The following FANCD2OS variants were observed in gnomAD, a reference collection of about 807,000 sequenced individuals.
The protein encoded by FANCD2OS is FANCD2 opposite strand.
In FANCD2OS, 11 loss-of-function variants were observed where a neutral mutation model predicts 13.2. The ratio of observed to expected loss-of-function variants is 0.83; its 90% CI spans 0.52 to 1.38. FANCD2OS has a LOEUF of 1.38. Ranked by LOEUF, FANCD2OS falls within the 40% of genes most tolerant of loss-of-function variation. The pLI, the probability that FANCD2OS is intolerant of heterozygous loss-of-function variation, is 0.00. For missense variants in FANCD2OS, 217 were observed against 213.9 expected (o/e 1.01, Z -0.09); for synonymous variants, 69 against 84.5 (o/e 0.82, Z 1.01).
chr3:10,093,634 G>A (rs1010361334), intron 2 of FANCD2OS, among the ~76,000 whole-genome samples: 8 of 152,196 alleles, frequency 5.3e-5, no homozygotes, highest in Admixed American at 5.2e-4. Flanking sequence ...GAGGAAGGAG[G>A]AGTAGATGAT....
At chr3:10,095,252 A>G (rs1559408827) in intron 2 of FANCD2OS, 2 of 1,614,150 alleles carry the variant, frequency 1.2e-6, no homozygotes, top group Non-Finnish European at 8.5e-7. Context: ...AGGCTGCTTC[A>G]TCACCTGTGT....
intron 2 of FANCD2OS, among the ~76,000 whole-genome samples, chr3:10,095,810 A>G (rs1417545557): frequency 6.6e-6 from 1 of 151,756 alleles, no homozygotes; most frequent in Non-Finnish European, 1.5e-5. Flanking sequence ...AAACCAAATG[A>G]TTCTTGAGTC....
intron 2 of FANCD2OS, among the ~76,000 whole-genome samples, chr3:10,085,393 TC>T: frequency 6.7e-6 from 1 of 150,316 alleles, no homozygotes; most frequent in East Asian, 1.9e-4. Context: ...CTTTTTTCTT[TC>T]TTTTTTTTTT....
intron 2 of FANCD2OS, among the ~76,000 whole-genome samples, chr3:10,092,431 ATT>A (rs35070534): frequency 2.1e-5 from 3 of 144,872 alleles, no homozygotes; most frequent in Non-Finnish European, 3.0e-5. Context: ...CTCACTAGGC[ATT>A]TTTTTTTTTG....
chr3:10,093,894 A>C (rs1377210427), intron 2 of FANCD2OS, among the ~76,000 whole-genome samples: 1 of 152,146 alleles, frequency 6.6e-6, no homozygotes, highest in Non-Finnish European at 1.5e-5. Flanking sequence ...GAGATGGGCA[A>C]GTTGGAGAGA....
intron 2 of FANCD2OS, chr3:10,094,415 G>T: frequency 6.8e-7 from 1 of 1,480,202 alleles, no homozygotes; most frequent in Non-Finnish European, 9.4e-7. Flanking sequence ...TTGCTCAGAA[G>T]ATATGTCCTT....
At chr3:10,088,131 A>G (rs1401773244) in intron 2 of FANCD2OS, among the ~76,000 whole-genome samples, 3 of 152,190 alleles carry the variant, frequency 2.0e-5, no homozygotes, top group Non-Finnish European at 2.9e-5. Flanking sequence ...CAGGAGGAAC[A>G]AGATTGGCCT....
Position 10,104,332 on chromosome 3 carries a change from G to C in FANCD2OS, c.443C>G (p.Thr148Arg). 2 of 1,614,196 alleles carry C rather than the reference G, an allele frequency of 1.2e-6. No homozygotes were observed. Among genetic ancestry groups the C allele is most frequent in the African/African-American group, 2.7e-5 (2 of 75,050 alleles). The change falls in exon 2 of 2, where the codon ACA (threonine) becomes AGA (arginine). Residue 148 changes from threonine to arginine, a missense_variant. Coordinates refer to ENST00000450660, the MANE Select transcript of FANCD2OS (RefSeq NM_001164839.2). ...IGLKEPQIQM[T>R]VTMCKQMLRS... ...CAGCATCTGTTTGCACATAGTGACTGTCATCTGAATCTGAGGCTCCTTCAG... is the reference window on the plus strand; with the variant it reads ...CAGCATCTGTTTGCACATAGTGACTCTCATCTGAATCTGAGGCTCCTTCAG...
At chr3:10,095,878 ATT>A (rs397950663) in intron 2 of FANCD2OS, among the ~76,000 whole-genome samples, 38 of 125,754 alleles carry the variant, frequency 3.0e-4, no homozygotes, top group African/African-American at 7.1e-4. Context: ...CTGAACAGTG[ATT>A]TTTTTTTTTT....
chr3:10,098,764 TGA>T, downstream of FANCD2OS: 1 of 1,614,030 alleles, frequency 6.2e-7, no homozygotes, highest in Non-Finnish European at 8.5e-7. Context: ...GCACAGCAGA[TGA>T]GAGTGAGGAT....
At chr3:10,095,488 A>G in intron 2 of FANCD2OS, 1 of 596,994 alleles carries the variant, frequency 1.7e-6, no homozygotes, top group East Asian at 2.8e-5. Context: ...TCAAACTCCA[A>G]AGCTCTTTTT....
intron 2 of FANCD2OS, chr3:10,094,897 G>T (rs1402076221): frequency 2.4e-6 from 1 of 425,160 alleles, no homozygotes; most frequent in Non-Finnish European, 4.4e-6. Context: ...AGCCCTGAAA[G>T]AGAAAGGGAA....
chr3:10,081,658 T>G, intron 2 of FANCD2OS: 1 of 621,970 alleles, frequency 1.6e-6, no homozygotes, highest in Non-Finnish European at 2.9e-6. Context: ...TTGGAGCCAC[T>G]ATGTTAACCC....
At chr3:10,092,807 G>C (rs6807846) in intron 2 of FANCD2OS, among the ~76,000 whole-genome samples, 1 of 147,812 alleles carries the variant, frequency 6.8e-6, no homozygotes, top group East Asian at 2.0e-4. Flanking sequence ...TCTTCCCACT[G>C]AAGCCTCTGG....
At chr3:10,098,867 A>G (rs1460832556), downstream of FANCD2OS, 2 of 1,614,168 alleles carry the variant, frequency 1.2e-6, no homozygotes, top group South Asian at 2.2e-5. Context: ...CATTTTGTTA[A>G]TTGTTCTAAG....
At chr3:10,102,150 T>TCC (rs1449076919), downstream of FANCD2OS, among the ~76,000 whole-genome samples, 3 of 151,196 alleles carry the variant, frequency 2.0e-5, no homozygotes, top group Non-Finnish European at 3.0e-5. Flanking sequence ...TTCCTTTTTT[T>TCC]TTTTTTTTTT....
intron 2 of FANCD2OS, chr3:10,088,722 T>G: frequency 7.8e-7 from 1 of 1,288,454 alleles, no homozygotes; most frequent in Non-Finnish European, 1.1e-6. Flanking sequence ...TTTTATACTG[T>G]TAGCTAACTG....
chr3:10,085,989 T>C, intron 2 of FANCD2OS: 1 of 1,063,720 alleles, frequency 9.4e-7, no homozygotes, highest in East Asian at 2.4e-5. Context: ...TTGGCAACTT[T>C]CTTTAAAATA....
chr3:10,099,199 TGTGAAAGCATTTG>T (rs1414363194), downstream of FANCD2OS: 2 of 1,382,800 alleles, frequency 1.4e-6, no homozygotes, highest in South Asian at 1.6e-5. Context: ...AAAATAGAAA[TGTGAAAGCATTTG>T]GTGAAAGCCA....
Sources: gnomAD v4.1 joint callset for allele counts (sites outside exome capture counted in the v4.1 genomes callset) on GRCh38, gnomAD v4.1.1 for gene constraint, MANE v1.5 for transcripts, NCBI Gene and HGNC (gene_info 2026-07-23, HGNC 2026-07-21) for gene names.